STARD13: variants seen among roughly 807,000 people sequenced by gnomAD.
The protein encoded by STARD13 is stAR-related lipid transfer protein 13.
STARD13 carries 62 observed loss-of-function variants against 106.4 expected under a neutral mutation model. The observed-to-expected ratio is 0.58, with a 90% CI of 0.48 to 0.72. The LOEUF is 0.72. STARD13 is among the 30% of genes least tolerant of loss of function. STARD13 has a pLI of 0.00. For missense variants in STARD13, 1,387 were observed against 1,424.0 expected (o/e 0.97, Z 0.42); for synonymous variants, 565 against 553.0 (o/e 1.02, Z -0.31).
At chr13:33,362,745 A>C in the STARD13 span, among the ~76,000 whole-genome samples, 1 of 152,202 alleles carries the variant, frequency 6.6e-6, no homozygotes, top group Non-Finnish European at 1.5e-5. Context: ...AAACTTCACT[A>C]AACTCTGACC....
chr13:33,207,361 G>A (rs1472554264), intron 1 of STARD13, among the ~76,000 whole-genome samples: 2 of 152,176 alleles, frequency 1.3e-5, no homozygotes, highest in African/African-American at 4.8e-5. Context: ...GCTCCTTAAA[G>A]GCAAGAAAAA....
the STARD13 span, among the ~76,000 whole-genome samples, chr13:33,559,031 A>C: frequency 6.6e-6 from 1 of 151,626 alleles, no homozygotes. Context: ...TATGATAGGC[A>C]GGTTTATATT....
the STARD13 span, among the ~76,000 whole-genome samples, chr13:33,620,098 C>T: frequency 6.6e-6 from 1 of 151,904 alleles, no homozygotes; most frequent in Non-Finnish European, 1.5e-5. Context: ...TTCATCAAAT[C>T]CATGACCATA....
chr13:33,646,325 T>C, the STARD13 span, among the ~76,000 whole-genome samples: 2 of 152,222 alleles, frequency 1.3e-5, no homozygotes, highest in African/African-American at 4.8e-5. Flanking sequence ...TGTTGCTCTT[T>C]TTGTTTGTTT....
chr13:33,113,184 T>A, intron 8 of STARD13: 1 of 511,232 alleles, frequency 2.0e-6, no homozygotes, highest in African/African-American at 1.9e-5. Flanking sequence ...CAAGCAGGGT[T>A]TAGAAAGGGG....
the STARD13 span, among the ~76,000 whole-genome samples, chr13:33,432,237 T>C: frequency 3.2e-3 from 490 of 152,314 alleles, 2 homozygotes; most frequent in African/African-American, 0.011. Flanking sequence ...ATGGTGCCTA[T>C]ATTCTAATAT....
At chr13:33,180,160 T>C (rs1363519295) in intron 1 of STARD13, among the ~76,000 whole-genome samples, 1 of 152,238 alleles carries the variant, frequency 6.6e-6, no homozygotes, top group African/African-American at 2.4e-5. Context: ...TAACAAGATG[T>C]AATGAGAGTC....
Position 33,122,126 on chromosome 13 carries a change from G to A in STARD13, c.2083-3863C>T, listed in dbSNP as rs191938619. 1.8e-3 allele frequency among the ~76,000 whole-genome samples: 273 copies of A among 152,232 alleles called. 1 individual carries two copies. Among genetic ancestry groups the A allele is most frequent in the African/African-American group, 6.3e-3 (263 of 41,546 alleles). On this transcript the variant is annotated intron_variant, in intron 7 of 13. Transcript: ENST00000336934. The stretch of plus-strand genomic sequence containing the variant: ...CTCCCAAAGTACTGGGATTACAGGC[G>A]TGAGCCACTGCACCCAGCCTAATTT...
chr13:33,301,709 C>T (rs948271678), intron 1 of STARD13, among the ~76,000 whole-genome samples: 8 of 151,598 alleles, frequency 5.3e-5, no homozygotes, highest in Admixed American at 2.6e-4. Flanking sequence ...CTGGGACTAC[C>T]GGCACCCGCC....
chr13:33,368,098 CA>C, the STARD13 span, among the ~76,000 whole-genome samples: 1 of 152,112 alleles, frequency 6.6e-6, no homozygotes. Context: ...CCCCTTACTT[CA>C]AACACTTCTT....
chr13:33,333,045 G>A (rs1484973190), intron 1 of STARD13, among the ~76,000 whole-genome samples: 1 of 151,950 alleles, frequency 6.6e-6, no homozygotes, highest in African/African-American at 2.4e-5. Context: ...AATTTTAAGT[G>A]GCCAAAAGGG....
chr13:33,540,920 C>T, the STARD13 span, among the ~76,000 whole-genome samples: 1 of 152,060 alleles, frequency 6.6e-6, no homozygotes, highest in African/African-American at 2.4e-5. Context: ...CAGGCTGAGC[C>T]CAAGCTCAGA....
chr13:33,460,862 A>G, the STARD13 span, among the ~76,000 whole-genome samples: 1 of 152,272 alleles, frequency 6.6e-6, no homozygotes, highest in Non-Finnish European at 1.5e-5. Flanking sequence ...GCTCAAAGAT[A>G]TAAATGTGTG....
intron 1 of STARD13, chr13:33,279,523 C>G (rs1036462266): frequency 1.3e-5 from 2 of 152,206 alleles, no homozygotes; most frequent in African/African-American, 4.8e-5. Context: ...TTTCAACATT[C>G]TGCCAACAGA....
chr13:33,429,784 T>C, the STARD13 span, among the ~76,000 whole-genome samples: 4 of 152,144 alleles, frequency 2.6e-5, no homozygotes, highest in Non-Finnish European at 5.9e-5. Flanking sequence ...AGCAGGGTGC[T>C]GGCAGGGGAG....
At chr13:33,199,753 TA>T (rs1292790589) in intron 1 of STARD13, among the ~76,000 whole-genome samples, 4 of 152,230 alleles carry the variant, frequency 2.6e-5, no homozygotes, top group Admixed American at 6.5e-5. Flanking sequence ...CAGTGTTACA[TA>T]AGGGTTCTTT....
chr13:33,362,644 CAACAAAGG>C, the STARD13 span, among the ~76,000 whole-genome samples: 4,612 of 152,286 alleles, frequency 0.03, 228 homozygotes, highest in African/African-American at 0.1. Flanking sequence ...ACCACCACCA[CAACAAAGG>C]TTGTTGAATT....
At position 33,163,731 on chromosome 13, in the gene STARD13, A is replaced by T. The variant is rs976661270; in HGVS notation, c.323+1606T>A. On this transcript the variant is annotated intron_variant, in intron 3 of 13. Transcript: ENST00000336934. ...ATAAAACATATATATAACATATATA[A>T]AACATATATATATAACATATATATA... Among the ~76,000 whole-genome samples the T allele has an allele frequency of 1.3e-4, 10 of 78,538 alleles. No homozygotes were observed. In the South Asian group the frequency reaches 1.6e-3, roughly 13 times the overall value. 51.5% of individuals were successfully genotyped at this position (78,538 alleles called of 152,430 possible).
intron 3 of STARD13, among the ~76,000 whole-genome samples, chr13:33,153,537 C>T (rs1002502422): frequency 1.3e-5 from 2 of 152,070 alleles, no homozygotes; most frequent in Non-Finnish European, 2.9e-5. Context: ...GGGAGGTGCC[C>T]GGGCCCAGAC....
Sources: allele counts gnomAD v4.1 joint callset (sites outside exome capture counted in the v4.1 genomes callset), GRCh38; gene constraint gnomAD v4.1.1; transcripts MANE v1.5; gene names NCBI Gene and HGNC (gene_info 2026-07-23, HGNC 2026-07-21).